The following UBE2E2 variants were observed in gnomAD, a reference collection of about 807,000 sequenced individuals.
UBE2E2 encodes the protein ubiquitin-conjugating enzyme E2 E2.
A neutral mutation model predicts 24.7 loss-of-function variants in UBE2E2; 6 were observed. The observed-to-expected ratio is 0.24, with a 90% CI of 0.13 to 0.48. The LOEUF (loss-of-function observed/expected upper bound fraction) is 0.48, where lower values mean the gene tolerates loss of function less well. Among genes scored for constraint, UBE2E2 ranks in the 20% least tolerant of loss-of-function variants. The pLI is 0.99. For missense variants in UBE2E2, 169 were observed against 245.0 expected (o/e 0.69, Z 2.07); for synonymous variants, 104 against 83.6 (o/e 1.24, Z -1.33).
At chr3:23,317,225 T>A (rs1694606966) in intron 3 of UBE2E2, among the ~76,000 whole-genome samples, 1 of 152,172 alleles carries the variant, frequency 6.6e-6, no homozygotes, top group Non-Finnish European at 1.5e-5. Flanking sequence ...TTCAAGTTAA[T>A]TTAGAACTGT....
intron 5 of UBE2E2, among the ~76,000 whole-genome samples, chr3:23,584,335 T>C (rs1443435510): frequency 6.6e-6 from 1 of 152,178 alleles, no homozygotes; most frequent in African/African-American, 2.4e-5. Context: ...TTGAGGATTT[T>C]TGCATCTACA....
chr3:23,307,476 A>C (rs918205828), intron 3 of UBE2E2, among the ~76,000 whole-genome samples: 1 of 152,130 alleles, frequency 6.6e-6, no homozygotes, highest in Non-Finnish European at 1.5e-5. Flanking sequence ...ACGTTTTACA[A>C]ATTTTGCTCT....
rs146036566 is a variant in UBE2E2, at chr3:23,523,431, T to A, written c.361-9123T>A. 8.6e-3 allele frequency among the ~76,000 whole-genome samples: 1,307 copies of A among 152,348 alleles called. 14 individuals are homozygous for A. The highest frequency in any genetic ancestry group is 0.03 in the African/African-American group (1,244 of 41,582). On this transcript the variant is annotated intron_variant, in intron 4 of 5. Coordinates refer to ENST00000396703, the MANE Select transcript of UBE2E2 (RefSeq NM_152653.4). ...GTCTGTGGCATAAAGGTCTTTTGTT[T>A]TAAATCATTTGAATTGTACTTGAAA...
At chr3:23,528,293 A>G (rs951176262) in intron 4 of UBE2E2, among the ~76,000 whole-genome samples, 2 of 152,140 alleles carry the variant, frequency 1.3e-5, no homozygotes, top group Admixed American at 1.3e-4. Flanking sequence ...TGGTACATCT[A>G]TTACTGTTTG....
chr3:23,252,263 C>G lies in UBE2E2; in HGVS notation c.227+34951C>G, dbSNP rs933542460. Among the ~76,000 whole-genome samples the G allele has an allele frequency of 2.6e-5, 4 of 152,052 alleles. No homozygotes were observed. The East Asian group carries it at 5.8e-4, about 22-fold the overall frequency. ...CCATAAAAGTTGTTGCATCTATGAA[C>G]TATACAGCAGTGTGTATGATGGTGT... On this transcript the variant is annotated intron_variant, in intron 3 of 5. Transcript: ENST00000396703.
In UBE2E2 at chr3:23,590,016, A is replaced by T; in HGVS notation, c.*185A>T. The T allele has an allele frequency of 3.8e-6, 2 of 524,282 alleles. No individual in the cohort carries two copies. Among genetic ancestry groups the T allele is most frequent in the South Asian group, 3.4e-5 (1 of 29,496 alleles). The allele number at this position is 524,282 out of a possible 1,614,324, so 32.5% of individuals were successfully genotyped here. A position where few individuals can be genotyped will look rare whatever the true frequency, so the allele number is the denominator to read the frequency against. ...CTTCCTGCCCCCCTTCCTCTCTCCC[A>T]CGCTCTCTTTTATCTCTCATTTTAT... On this transcript the variant is annotated 3_prime_UTR_variant, in exon 6 of 6. Transcript: ENST00000396703.
At chr3:23,330,038 G>GTGA (rs1695016886) in intron 3 of UBE2E2, among the ~76,000 whole-genome samples, 1 of 152,174 alleles carries the variant, frequency 6.6e-6, no homozygotes, top group South Asian at 2.1e-4. Context: ...TTTTATTTCT[G>GTGA]TGATGCTACC....
chr3:23,528,994 A>G (rs1438827568), intron 4 of UBE2E2, among the ~76,000 whole-genome samples: 3 of 152,194 alleles, frequency 2.0e-5, no homozygotes, highest in Non-Finnish European at 4.4e-5. Context: ...GACACGTGCA[A>G]CAGCTTGGAT....
intron 3 of UBE2E2, among the ~76,000 whole-genome samples, chr3:23,343,452 T>G (rs1695459642): frequency 6.6e-6 from 1 of 152,110 alleles, no homozygotes; most frequent in Non-Finnish European, 1.5e-5. Flanking sequence ...GGCACTCACC[T>G]GTAGTCCCAT....
intron 3 of UBE2E2, among the ~76,000 whole-genome samples, chr3:23,326,938 C>T (rs1694906723): frequency 6.6e-6 from 1 of 152,084 alleles, no homozygotes; most frequent in South Asian, 2.1e-4. Flanking sequence ...GTTTTCTGTC[C>T]TTGCGATAGT....
chr3:23,554,784 C>T (rs894714104), intron 5 of UBE2E2, among the ~76,000 whole-genome samples: 10 of 151,836 alleles, frequency 6.6e-5, no homozygotes, highest in Non-Finnish European at 1.3e-4. Context: ...TGGAAAAGGA[C>T]AACTACAGAC....
Position 23,285,009 on chromosome 3 carries a change from C to G in UBE2E2, c.227+67697C>G, listed in dbSNP as rs527431739. Among the ~76,000 whole-genome samples the G allele has an allele frequency of 8.6e-5, 13 of 150,982 alleles. No individual in the cohort carries two copies. The South Asian group carries it at 2.5e-3, about 29-fold the overall frequency. On this transcript the variant is annotated intron_variant, in intron 3 of 5. Transcript: ENST00000396703. ...TATTTACCTGTTAACCATCTCCACTCCCCCCACCCCATGCCTCCCACTACT... is the reference window on the plus strand; with the variant it reads ...TATTTACCTGTTAACCATCTCCACTGCCCCCACCCCATGCCTCCCACTACT...
At chr3:23,259,133 CA>C (rs1385430767) in intron 3 of UBE2E2, among the ~76,000 whole-genome samples, 1 of 152,028 alleles carries the variant, frequency 6.6e-6, no homozygotes, top group Non-Finnish European at 1.5e-5. Flanking sequence ...AAGTGTGGAA[CA>C]GGGGCATAAA....
At chr3:23,566,150 T>G (rs537897739) in intron 5 of UBE2E2, among the ~76,000 whole-genome samples, 7 of 152,126 alleles carry the variant, frequency 4.6e-5, no homozygotes, top group Non-Finnish European at 1.0e-4. Context: ...AACTCATATT[T>G]CCTCCTGAAA....
intron 3 of UBE2E2, among the ~76,000 whole-genome samples, chr3:23,232,063 C>T (rs553931841): frequency 2.6e-5 from 4 of 152,280 alleles, no homozygotes; most frequent in Admixed American, 1.3e-4. Context: ...TTGATTAAAT[C>T]GTTGGCCAGT....
At chr3:23,273,418 C>A (rs569934298) in intron 3 of UBE2E2, among the ~76,000 whole-genome samples, 1 of 151,978 alleles carries the variant, frequency 6.6e-6, no homozygotes, top group South Asian at 2.1e-4. Context: ...GTAGTCCCAG[C>A]TACTTGGGAG....
At chr3:23,489,824 G>T (rs1303503335) in intron 3 of UBE2E2, among the ~76,000 whole-genome samples, 1 of 152,128 alleles carries the variant, frequency 6.6e-6, no homozygotes, top group Non-Finnish European at 1.5e-5. Flanking sequence ...TCACTTTTCT[G>T]ACCCTTAATA....
intron 3 of UBE2E2, among the ~76,000 whole-genome samples, chr3:23,217,658 A>T (rs1331149059): frequency 6.6e-6 from 1 of 152,086 alleles, no homozygotes; most frequent in African/African-American, 2.4e-5. Flanking sequence ...CATGGCTAAA[A>T]TATGTGCTAT....
intron 3 of UBE2E2, among the ~76,000 whole-genome samples, chr3:23,453,601 A>G (rs1209456381): frequency 6.6e-6 from 1 of 152,210 alleles, no homozygotes; most frequent in Non-Finnish European, 1.5e-5. Flanking sequence ...ATATTTTAAA[A>G]TCCCTTTTTA....
Sources: gnomAD v4.1 joint callset for allele counts (sites outside exome capture counted in the v4.1 genomes callset) on GRCh38, gnomAD v4.1.1 for gene constraint, MANE v1.5 for transcripts, NCBI Gene and HGNC (gene_info 2026-07-23, HGNC 2026-07-21) for gene names.